RBFOX3: variants seen among roughly 807,000 people sequenced by gnomAD.
RBFOX3 encodes RNA binding protein fox-1 homolog 3.
In RBFOX3, 17 loss-of-function variants were observed where a neutral mutation model predicts 48.7. The observed-to-expected ratio is 0.35, with a 90% CI of 0.24 to 0.52. The LOEUF (loss-of-function observed/expected upper bound fraction) is 0.52. Ranked by LOEUF, RBFOX3 falls within the 20% of genes least tolerant of loss-of-function variation. The pLI is 0.94. For missense variants in RBFOX3, 382 were observed against 497.5 expected, an observed-to-expected ratio of 0.77 and a Z score of 2.21; for synonymous variants, 212 against 209.5, an observed-to-expected ratio of 1.01 and a Z score of -0.10.
intron 2 of RBFOX3, among the ~76,000 whole-genome samples, chr17:79,366,010 A>C (rs1413056041): frequency 1.3e-5 from 2 of 152,248 alleles, no homozygotes; most frequent in Admixed American, 6.5e-5. Flanking sequence ...TGAAACCAGG[A>C]GGGCAGCACA....
chr17:79,094,181 C>G (rs2074649951), intron 14 of RBFOX3: 3 of 418,350 alleles, frequency 7.2e-6, no homozygotes, highest in Non-Finnish European at 1.3e-5. Flanking sequence ...TGAGGGAGCT[C>G]AGGGAAACGG....
At chr17:79,440,208 C>G (rs1218683189) in intron 2 of RBFOX3, among the ~76,000 whole-genome samples, 1 of 152,226 alleles carries the variant, frequency 6.6e-6, no homozygotes, top group Non-Finnish European at 1.5e-5. Context: ...ACACTGTTTA[C>G]CTGTTATCAG....
chr17:79,411,198 C>A (rs951521609), intron 2 of RBFOX3, among the ~76,000 whole-genome samples: 1 of 152,182 alleles, frequency 6.6e-6, no homozygotes, highest in Non-Finnish European at 1.5e-5. Context: ...TTTCTGTGTG[C>A]TGCTTGCCTG....
chr17:79,520,784 G>A (rs1442797982), intron 1 of RBFOX3, among the ~76,000 whole-genome samples: 2 of 152,318 alleles, frequency 1.3e-5, no homozygotes, highest in East Asian at 3.9e-4. Flanking sequence ...CCTCCCGGCT[G>A]GCCGGGTGCC....
intron 4 of RBFOX3, among the ~76,000 whole-genome samples, chr17:79,154,490 G>A (rs1022199569): frequency 6.6e-6 from 1 of 152,250 alleles, no homozygotes; most frequent in African/African-American, 2.4e-5. Context: ...AAGTGGACGA[G>A]TGGGGAAGGG....
chr17:79,188,461 C>T (rs1010623370), intron 4 of RBFOX3, among the ~76,000 whole-genome samples: 25 of 151,874 alleles, frequency 1.6e-4, no homozygotes, highest in Admixed American at 7.2e-4. Flanking sequence ...ATCCGTCTCA[C>T]TTACAACCAT....
chr17:79,295,079 C>T (rs2074109557), intron 3 of RBFOX3, among the ~76,000 whole-genome samples: 1 of 152,066 alleles, frequency 6.6e-6, no homozygotes, highest in African/African-American at 2.4e-5. Context: ...CGCTCTCGGC[C>T]CGGGTCAGAG....
intron 3 of RBFOX3, among the ~76,000 whole-genome samples, chr17:79,278,809 C>T (rs895883432): frequency 6.6e-6 from 1 of 152,210 alleles, no homozygotes; most frequent in African/African-American, 2.4e-5. Flanking sequence ...GATGCCAGAA[C>T]GGGAAGGGAC....
At chr17:79,218,696 A>C (rs1415678573) in intron 4 of RBFOX3, among the ~76,000 whole-genome samples, 4 of 152,180 alleles carry the variant, frequency 2.6e-5, no homozygotes. Context: ...ACAGGGTTCC[A>C]TTCTGCCTGC....
intron 3 of RBFOX3, among the ~76,000 whole-genome samples, 199 bp from the exon 4 acceptor site, chr17:79,236,004 G>T (rs7223911): frequency 0.26 from 40,293 of 152,110 alleles, 5,744 homozygotes; most frequent in East Asian, 0.52. Context: ...GGAGGCGGCG[G>T]TTAGATAACA....
At chr17:79,211,203 G>C (rs373418197) in intron 4 of RBFOX3, among the ~76,000 whole-genome samples, 1 of 152,338 alleles carries the variant, frequency 6.6e-6, no homozygotes, top group East Asian at 1.9e-4. Flanking sequence ...CAGGCAGCAC[G>C]GCCCGATGCG....
At chr17:79,546,669 A>ATT (rs34998319) in intron 1 of RBFOX3, among the ~76,000 whole-genome samples, 3,639 of 121,758 alleles carry the variant, frequency 0.03, 196 homozygotes, top group African/African-American at 0.097. Flanking sequence ...TCCTCATTCT[A>ATT]TTTTTTTTTT....
chr17:79,651,135 C>T, the RBFOX3 span, among the ~76,000 whole-genome samples: 4 of 152,240 alleles, frequency 2.6e-5, no homozygotes, highest in Non-Finnish European at 2.9e-5. Flanking sequence ...TTTGGTGATG[C>T]ACCCCTTCTT....
intron 4 of RBFOX3, among the ~76,000 whole-genome samples, chr17:79,137,674 GAGGCGGATGGCTTCTTTTCCCGTT>G (rs1368467325): frequency 6.6e-6 from 1 of 152,214 alleles, no homozygotes; most frequent in African/African-American, 2.4e-5. Context: ...GTCGGGGGAG[GAGGCGGATGGCTTCTTTTCCCGTT>G]AGGCGCCTGG....
rs570346042 is a variant in RBFOX3, at chr17:79,362,550, G to A, written c.-174-54726C>T. Among the ~76,000 whole-genome samples, 11 of 152,336 alleles carry A rather than the reference G, an allele frequency of 7.2e-5. No individual in the cohort carries two copies. The highest frequency in any genetic ancestry group is 2.0e-4 in the Admixed American group (3 of 15,304). On this transcript the variant is annotated intron_variant, in intron 2 of 14. Transcript: ENST00000693108. This position sits in a 1 kb window ranked among gnomAD's most constrained non-coding sequence, Gnocchi z 4.2. ...GTCAGCAGGGGCCTGGCTGTGGCTT[G>A]GGATGGAGATGGGAGCCTTTATGTC...
chr17:79,120,289 G>T (rs1289619505), intron 4 of RBFOX3, among the ~76,000 whole-genome samples: 2 of 152,144 alleles, frequency 1.3e-5, no homozygotes, highest in African/African-American at 4.8e-5. Flanking sequence ...AGAACGGGTG[G>T]ATGTACGTAC....
chr17:79,528,681 G>A (rs2087193830), intron 1 of RBFOX3, among the ~76,000 whole-genome samples: 1 of 151,974 alleles, frequency 6.6e-6, no homozygotes, highest in Non-Finnish European at 1.5e-5. Flanking sequence ...ACATGTATCG[G>A]GGAAGGCCGT....
rs1321402223 is a variant in RBFOX3 at position 79,597,038 on chromosome 17, T to A, written c.-320+13788A>T. 8.5e-5 allele frequency among the ~76,000 whole-genome samples: 13 copies of A among 152,284 alleles called. No homozygotes were observed. In the East Asian group the frequency reaches 2.5e-3, roughly 29 times the overall value. On this transcript the variant is annotated intron_variant, in intron 1 of 14. Transcript: ENST00000693108. ...GCAAGAGAAATGCTGGGGTCACCCC[T>A]GGCCGAGGCCTCCCTCCTGCTGGCC... is the stretch of plus-strand genomic sequence containing the variant.
intron 4 of RBFOX3, among the ~76,000 whole-genome samples, chr17:79,147,165 G>A (rs1048612119): frequency 6.6e-5 from 10 of 152,184 alleles, no homozygotes; most frequent in Non-Finnish European, 8.8e-5. Context: ...CCTCCCGTCC[G>A]TGTCGTCCTC....
Sources: allele counts gnomAD v4.1 joint callset (sites outside exome capture counted in the v4.1 genomes callset), GRCh38; gene constraint gnomAD v4.1.1; non-coding constraint Gnocchi (gnomAD v3.1); transcripts MANE v1.5; gene names NCBI Gene and HGNC (gene_info 2026-07-23, HGNC 2026-07-21).